The following STON2 variants were observed in gnomAD, a reference collection of about 807,000 sequenced individuals.
STON2 encodes stonin-2.
STON2 carries 29 observed loss-of-function variants against 65.7 expected under a neutral mutation model. That is an observed-to-expected ratio of 0.44 (90% confidence interval 0.33 to 0.60). The LOEUF (loss-of-function observed/expected upper bound fraction) is 0.60. Among genes scored for constraint, STON2 ranks in the 20% least tolerant of loss-of-function variants. STON2 has a pLI of 0.03. For synonymous variants in STON2, 404 were observed against 414.2 expected (o/e 0.98, Z 0.30); for missense variants, 1,054 against 1,118.1 (o/e 0.94, Z 0.82).
At position 81,263,720 on chromosome 14, in the gene STON2, A is replaced by G. The variant is rs1894251037; in HGVS notation, c.*4694T>C. The G allele has an allele frequency of 7.1e-6, 7 of 985,310 alleles. No homozygotes were observed. Among genetic ancestry groups the G allele is most frequent in the Non-Finnish European group, 8.4e-6 (7 of 829,864 alleles). The allele number at this position is 985,310 out of a possible 1,614,324, so 61.0% of individuals were successfully genotyped here. Reference sequence around the variant, plus strand: ...AAGGTCTAGATATGCTGGAATTAACATATAATCCTCATTTTTAGAAGAGTT... The same window carrying G: ...AAGGTCTAGATATGCTGGAATTAACGTATAATCCTCATTTTTAGAAGAGTT... On this transcript the variant is annotated 3_prime_UTR_variant, in exon 8 of 8. Coordinates refer to ENST00000614646, the MANE Select transcript of STON2 (RefSeq NM_001394390.1).
At chr14:81,358,109 C>G (rs1898331090) in intron 4 of STON2, among the ~76,000 whole-genome samples, 1 of 151,854 alleles carries the variant, frequency 6.6e-6, no homozygotes, top group African/African-American at 2.4e-5. Context: ...GAGCCATATT[C>G]AGAATACTCT....
intron 5 of STON2, among the ~76,000 whole-genome samples, chr14:81,315,070 G>A (rs1896569072): frequency 6.6e-6 from 1 of 152,162 alleles, no homozygotes; most frequent in South Asian, 2.1e-4. Context: ...CGAAGATACA[G>A]AGTTGGTTAG....
chr14:81,410,277 CCAAAAAAA>C (rs1901085796), intron 2 of STON2, among the ~76,000 whole-genome samples: 1 of 38,944 alleles, frequency 2.6e-5, no homozygotes, highest in Admixed American at 3.7e-4. Flanking sequence ...GTAACTCTAA[CCAAAAAAA>C]AAAAAAAAAA....
chr14:81,424,096 A>C (rs1398617599), intron 2 of STON2, among the ~76,000 whole-genome samples: 1 of 152,168 alleles, frequency 6.6e-6, no homozygotes, highest in Non-Finnish European at 1.5e-5. Flanking sequence ...GCAAATGAGC[A>C]CCTTTCAATG....
In STON2 at chr14:81,261,507, A is replaced by T. The variant is rs79063274; in HGVS notation, c.*6907T>A. 59 of 271,498 alleles carry T rather than the reference A, an allele frequency of 2.2e-4. No individual in the cohort carries two copies. The East Asian group carries it at 3.7e-3, about 17-fold the overall frequency. 16.8% of individuals were successfully genotyped at this position (271,498 alleles called of 1,614,324 possible). On this transcript the variant is annotated 3_prime_UTR_variant, in exon 8 of 8. Transcript: ENST00000614646. Reference sequence around the variant, plus strand: ...CTTGTACATAGTTTAAAATTTTTTTAACTACAATTTGATGTTACTAAGAGA... The same window carrying T: ...CTTGTACATAGTTTAAAATTTTTTTTACTACAATTTGATGTTACTAAGAGA...
intron 5 of STON2, among the ~76,000 whole-genome samples, chr14:81,292,414 G>A (rs1005643613): frequency 3.9e-5 from 6 of 152,124 alleles, no homozygotes; most frequent in African/African-American, 1.2e-4. Flanking sequence ...ATCTCATCTT[G>A]ACTTATGGTT....
chr14:81,365,264 T>A (rs1055915807), intron 4 of STON2, among the ~76,000 whole-genome samples: 7 of 152,176 alleles, frequency 4.6e-5, no homozygotes, highest in African/African-American at 1.7e-4. Context: ...TTCTTCAGTC[T>A]CGTGAACCTG....
intron 2 of STON2, among the ~76,000 whole-genome samples, chr14:81,415,263 T>C (rs1901371010): frequency 6.6e-6 from 1 of 152,030 alleles, no homozygotes; most frequent in African/African-American, 2.4e-5. Flanking sequence ...CTATTATTAA[T>C]AACACCAGCA....
At chr14:81,338,237 CTT>C (rs2140284557) in intron 4 of STON2, among the ~76,000 whole-genome samples, 1 of 152,310 alleles carries the variant, frequency 6.6e-6, no homozygotes, top group South Asian at 2.1e-4. Flanking sequence ...AGGATTGGAA[CTT>C]GCAGCCTCCT....
chr14:81,427,659 C>T (rs73344121), intron 1 of STON2, among the ~76,000 whole-genome samples: 9,295 of 151,812 alleles, frequency 0.061, 456 homozygotes, highest in African/African-American at 0.13. Flanking sequence ...TAGATCCTCA[C>T]TCCCTAACTC....
Position 81,396,040 on chromosome 14 carries a change from C to A in STON2, c.227G>T (p.Gly76Val), listed in dbSNP as rs764103828. 1.2e-6 allele frequency: 2 copies of A among 1,614,170 alleles called. No individual in the cohort carries two copies. The highest frequency in any genetic ancestry group is 3.3e-5 in the Admixed American group (2 of 60,024). The change falls in exon 3 of 8, where the codon GGC becomes GTC. Residue 76 changes from glycine to valine, a missense_variant. Coordinates refer to ENST00000614646, the MANE Select transcript of STON2 (RefSeq NM_001394390.1). ...TGGGGAAGCTGCTTCAGAGATGAGG[C>A]CCATCTTTTCAGAGGAGTCATCCTG... Reference protein sequence around the residue: ...SEQDDSSEKMGLISEAASPPG... With the variant: ...SEQDDSSEKMVLISEAASPPG...
intron 2 of STON2, among the ~76,000 whole-genome samples, chr14:81,406,286 G>A (rs527699831): frequency 1.3e-5 from 2 of 152,196 alleles, no homozygotes; most frequent in Admixed American, 1.3e-4. Context: ...TGTCCCTTTA[G>A]AGAACCCTAA....
intron 5 of STON2, among the ~76,000 whole-genome samples, chr14:81,291,674 ATAAAC>A (rs1895558889): frequency 6.6e-6 from 1 of 152,184 alleles, no homozygotes; most frequent in Admixed American, 6.5e-5. Flanking sequence ...GTTTATTAGA[ATAAAC>A]TAATAAATTT....
intron 5 of STON2, among the ~76,000 whole-genome samples, chr14:81,305,012 C>G (rs1896116126): frequency 6.6e-6 from 1 of 152,154 alleles, no homozygotes; most frequent in Non-Finnish European, 1.5e-5. Flanking sequence ...TGACTCCTAA[C>G]ACCATACTGT....
intron 4 of STON2, among the ~76,000 whole-genome samples, chr14:81,370,455 G>A (rs1784213971): frequency 6.6e-6 from 1 of 152,220 alleles, no homozygotes; most frequent in Admixed American, 6.5e-5. Context: ...AGGAGGCATA[G>A]TGCATTGCCG....
chr14:81,420,628 T>G (rs974361659), intron 2 of STON2, among the ~76,000 whole-genome samples: 4 of 151,978 alleles, frequency 2.6e-5, no homozygotes, highest in African/African-American at 9.7e-5. Flanking sequence ...CTAGCCCAAT[T>G]TGGGGTCAGT....
Position 81,355,676 on chromosome 14 carries a change from T to A in STON2, c.571+15312A>T, listed in dbSNP as rs187012065. Among the ~76,000 whole-genome samples, 118 of 152,334 alleles carry A rather than the reference T, an allele frequency of 7.7e-4. 1 individual carries two copies. The highest frequency in any genetic ancestry group is 2.7e-3 in the African/African-American group (111 of 41,580). On this transcript the variant is annotated intron_variant, in intron 4 of 7. Transcript: ENST00000614646. The stretch of plus-strand genomic sequence containing the variant: ...TAAAAGTTGAAGCAAAATGCTGCTA[T>A]TAAATCATAAATAACGTAAAAATTA...
chr14:81,272,538 G>A (rs1351588891), intron 6 of STON2, among the ~76,000 whole-genome samples: 2 of 152,080 alleles, frequency 1.3e-5, no homozygotes, highest in East Asian at 1.9e-4. Context: ...ATACACACCC[G>A]CTCTCCAAGG....
chr14:81,400,353 C>T (rs1900541407), upstream of STON2, among the ~76,000 whole-genome samples: 1 of 152,024 alleles, frequency 6.6e-6, no homozygotes. Context: ...CTTTCTCAAG[C>T]CCTGTCAAAT....
Sources: allele counts gnomAD v4.1 joint callset (sites outside exome capture counted in the v4.1 genomes callset), GRCh38; gene constraint gnomAD v4.1.1; transcripts MANE v1.5; gene names NCBI Gene and HGNC (gene_info 2026-07-23, HGNC 2026-07-21).